The following ATAD3B variants were observed in gnomAD, a reference collection of about 807,000 sequenced individuals.
The protein encoded by ATAD3B is ATPase family AAA domain containing 3B.
Under a neutral mutation model 70.2 loss-of-function variants are expected in ATAD3B, and 59 were observed. The ratio of observed to expected loss-of-function variants is 0.84; its 90% confidence interval spans 0.68 to 1.04. The LOEUF is 1.04. Among genes scored for constraint, ATAD3B ranks in the 50% least tolerant of loss-of-function variants. The pLI is 0.00. For synonymous variants in ATAD3B, 423 were observed against 388.6 expected, an observed-to-expected ratio of 1.09 and a Z score of -1.04; for missense variants, 961 against 913.4, an observed-to-expected ratio of 1.05 and a Z score of -0.67.
downstream of ATAD3B, among the ~76,000 whole-genome samples, chr1:1,498,449 A>T (rs1181963681): frequency 6.6e-6 from 1 of 151,924 alleles, no homozygotes; most frequent in Non-Finnish European, 1.5e-5. Flanking sequence ...TGACAGAGTG[A>T]GACCCTGTCT....
chr1:1,494,289 C>T (rs1640670649), intron 15 of ATAD3B, among the ~76,000 whole-genome samples: 1 of 151,956 alleles, frequency 6.6e-6, no homozygotes, highest in Non-Finnish European at 1.5e-5. Context: ...ATCTGCGTAG[C>T]CCCTCTCCTC....
downstream of ATAD3B, among the ~76,000 whole-genome samples, chr1:1,498,562 T>G (rs1291248151): frequency 1.3e-5 from 2 of 151,770 alleles, no homozygotes; most frequent in Admixed American, 6.6e-5. Context: ...GGGAACTCAT[T>G]GGGTTTTTCT....
chr1:1,489,900 A>C, intron 13 of ATAD3B: 2 of 1,221,174 alleles, frequency 1.6e-6, no homozygotes, highest in East Asian at 5.4e-5. Context: ...GCATGGCCAT[A>C]ATCTTGACAG....
chr1:1,479,906 A>G (rs1381654240), intron 4 of ATAD3B, among the ~76,000 whole-genome samples: 3 of 139,334 alleles, frequency 2.2e-5, no homozygotes, highest in South Asian at 4.9e-4. Flanking sequence ...GCCCACACAC[A>G]CGGGCGCGCA....
At chr1:1,505,223 C>T in the ATAD3B span, among the ~76,000 whole-genome samples, 151 of 152,178 alleles carry the variant, frequency 9.9e-4, no homozygotes, top group Non-Finnish European at 1.7e-3. Context: ...GTCCACTGGA[C>T]GGGGGCCCTT....
At chr1:1,477,670 G>A (rs1055981758) in intron 2 of ATAD3B, among the ~76,000 whole-genome samples, 1 of 148,070 alleles carries the variant, frequency 6.8e-6, no homozygotes, top group South Asian at 2.1e-4. Flanking sequence ...TTTTCACTCA[G>A]CAGGATTTTT....
intron 10 of ATAD3B, 56 bp from the exon 11 acceptor site, chr1:1,486,488 G>T (rs1464760620): frequency 6.2e-7 from 1 of 1,611,496 alleles, no homozygotes; most frequent in East Asian, 2.2e-5. Context: ...GAGTGTGCAG[G>T]CTTTGCAGAG....
At chr1:1,499,586 CTTTT>C (rs71578322), downstream of ATAD3B, among the ~76,000 whole-genome samples, 18 of 65,774 alleles carry the variant, frequency 2.7e-4, no homozygotes, top group East Asian at 5.5e-4. Context: ...CCAAACAGCT[CTTTT>C]TTTTTTTTTT....
downstream of ATAD3B, among the ~76,000 whole-genome samples, chr1:1,499,248 G>T (rs1470163892): frequency 1.1e-4 from 16 of 151,178 alleles, no homozygotes; most frequent in Non-Finnish European, 1.5e-5. Flanking sequence ...TGGGATTACA[G>T]GCGTGAGCCA....
intron 4 of ATAD3B, 129 bp from the exon 5 acceptor site, chr1:1,480,738 G>A (rs1431867840): frequency 1.4e-5 from 21 of 1,501,050 alleles, no homozygotes; most frequent in Non-Finnish European, 1.8e-5. Context: ...AGGGTGCGGC[G>A]TCTGCAGGTC....
downstream of ATAD3B, among the ~76,000 whole-genome samples, chr1:1,501,694 A>G (rs945856216): frequency 2.0e-5 from 3 of 152,014 alleles, no homozygotes; most frequent in African/African-American, 7.3e-5. Context: ...CCTGGCCTCT[A>G]TTTCCACAAG....
At chr1:1,480,308 A>G (rs527346188) in intron 4 of ATAD3B, among the ~76,000 whole-genome samples, 1 of 144,348 alleles carries the variant, frequency 6.9e-6, no homozygotes, top group African/African-American at 2.6e-5. Context: ...GTTCCACAGC[A>G]GCGGCTCTCC....
intron 2 of ATAD3B, 95 bp from the exon 3 acceptor site, chr1:1,478,549 G>A: frequency 6.5e-7 from 1 of 1,550,218 alleles, no homozygotes; most frequent in South Asian, 1.2e-5. Context: ...TGGGCACGGA[G>A]TCTCTGCCGT....
At chr1:1,508,067 C>T in the ATAD3B span, among the ~76,000 whole-genome samples, 3 of 152,216 alleles carry the variant, frequency 2.0e-5, no homozygotes, top group Non-Finnish European at 2.9e-5. Flanking sequence ...CTTTCCTCTG[C>T]TGGGCCCTGG....
chr1:1,486,822 G>T (rs1346905729), intron 11 of ATAD3B, among the ~76,000 whole-genome samples, 154 bp downstream of exon 11: 4 of 149,984 alleles, frequency 2.7e-5, no homozygotes, highest in African/African-American at 1.0e-4. Context: ...CCCTCGGAGG[G>T]AAAGTCCCCT....
At chr1:1,489,791 C>T in intron 13 of ATAD3B, 1 of 1,289,746 alleles carries the variant, frequency 7.8e-7, no homozygotes, top group Non-Finnish European at 1.0e-6. Flanking sequence ...CCGTTCGACG[C>T]TCCCTGGAGC....
intron 15 of ATAD3B, among the ~76,000 whole-genome samples, chr1:1,493,352 A>G (rs1248250739): frequency 6.6e-6 from 1 of 151,940 alleles, no homozygotes; most frequent in Non-Finnish European, 1.5e-5. Context: ...TTCACCACTG[A>G]GTATGTTAGC....
chr1:1,478,343 A>T (rs1639708370), intron 2 of ATAD3B: 1 of 1,295,636 alleles, frequency 7.7e-7, no homozygotes, highest in Non-Finnish European at 1.0e-6. Flanking sequence ...CCCTCATCAC[A>T]GTCCAAAAGT....
At chr1:1,491,306 C>T (rs1640528388) in intron 15 of ATAD3B, among the ~76,000 whole-genome samples, 1 of 151,920 alleles carries the variant, frequency 6.6e-6, no homozygotes, top group Non-Finnish European at 1.5e-5. Context: ...GAGGCTGAGG[C>T]AGGCATATCA....
Sources: allele counts gnomAD v4.1 joint callset (sites outside exome capture counted in the v4.1 genomes callset), GRCh38; gene constraint gnomAD v4.1.1; transcripts MANE v1.5; gene names NCBI Gene and HGNC (gene_info 2026-07-23, HGNC 2026-07-21).